CADPS2: variants seen among roughly 807,000 people sequenced by gnomAD.
CADPS2 encodes calcium-dependent secretion activator 2.
Under a neutral mutation model 172.5 loss-of-function variants are expected in CADPS2, and 93 were observed. That is an observed-to-expected ratio of 0.54 (90% CI 0.46 to 0.64). The LOEUF (loss-of-function observed/expected upper bound fraction) is 0.64. Among genes scored for constraint, CADPS2 ranks in the 30% least tolerant of loss-of-function variants. The pLI is 0.00. For missense variants in CADPS2, 1,420 were observed against 1,565.9 expected, an observed-to-expected ratio of 0.91 and a Z score of 1.57; for synonymous variants, 546 against 555.2, an observed-to-expected ratio of 0.98 and a Z score of 0.23.
At chr7:122,681,769 CT>C (rs1281928543) in intron 2 of CADPS2, 7 of 521,680 alleles carry the variant, frequency 1.3e-5, no homozygotes, top group Non-Finnish European at 3.3e-6. Flanking sequence ...AAAACAACAT[CT>C]AAAAAAAAAT....
intron 1 of CADPS2, among the ~76,000 whole-genome samples, chr7:122,834,934 T>C (rs577789826): frequency 1.3e-3 from 200 of 152,026 alleles, no homozygotes; most frequent in Non-Finnish European, 2.3e-3. Context: ...TTGAAGTGAG[T>C]AGTGTTTCTC....
At chr7:122,415,871 C>T (rs1489532548) in intron 18 of CADPS2, among the ~76,000 whole-genome samples, 190 bp downstream of exon 18, 1 of 152,202 alleles carries the variant, frequency 6.6e-6, no homozygotes, top group Admixed American at 6.5e-5. Context: ...AGAAAATTCA[C>T]ATATGTTCTC....
At chr7:122,756,863 G>A (rs2093182749) in intron 1 of CADPS2, among the ~76,000 whole-genome samples, 1 of 151,382 alleles carries the variant, frequency 6.6e-6, no homozygotes, top group Non-Finnish European at 1.5e-5. Context: ...TTGCGCCACT[G>A]CACTCCAGCC....
intron 1 of CADPS2, among the ~76,000 whole-genome samples, chr7:122,882,695 G>A (rs1263008446): frequency 6.9e-6 from 1 of 144,732 alleles, no homozygotes; most frequent in African/African-American, 2.6e-5. Context: ...TTATTAATTA[G>A]TACCTGATTT....
At chr7:122,811,623 T>C (rs1800039747) in intron 1 of CADPS2, among the ~76,000 whole-genome samples, 1 of 152,132 alleles carries the variant, frequency 6.6e-6, no homozygotes, top group Admixed American at 6.6e-5. Context: ...AACCCATGTA[T>C]CTATAATATA....
intron 1 of CADPS2, among the ~76,000 whole-genome samples, chr7:122,760,372 A>C (rs1562953108): frequency 6.6e-6 from 1 of 152,156 alleles, no homozygotes; most frequent in Non-Finnish European, 1.5e-5. Flanking sequence ...ATATAATATT[A>C]AATTGTATTC....
intron 6 of CADPS2, among the ~76,000 whole-genome samples, chr7:122,591,980 G>A (rs972004481): frequency 6.6e-6 from 1 of 150,386 alleles, no homozygotes; most frequent in African/African-American, 2.5e-5. Context: ...AGACAAAATT[G>A]ACAAATGGGA....
At chr7:122,794,985 T>G (rs1796059302) in intron 1 of CADPS2, among the ~76,000 whole-genome samples, 2 of 152,054 alleles carry the variant, frequency 1.3e-5, no homozygotes, top group South Asian at 4.1e-4. Flanking sequence ...AAGAGGGAAA[T>G]TTGTAGCGCT....
chr7:122,675,360 C>T (rs1430138340), intron 2 of CADPS2, among the ~76,000 whole-genome samples: 1 of 152,144 alleles, frequency 6.6e-6, no homozygotes, highest in East Asian at 1.9e-4. Context: ...GGTCACGTAC[C>T]GGAAAAGGCC....
In CADPS2 at chr7:122,772,407, C is replaced by T. The variant is rs114267036; in HGVS notation, c.340-35339G>A. ...TTCCTAACAGGTGAAAAATTAATGA[C>T]AGTCCCACTGAAAGCTAGACCAAAA... is the stretch of plus-strand genomic sequence containing the variant. On this transcript the variant is annotated intron_variant, in intron 1 of 29. Transcript: ENST00000449022. Among the ~76,000 whole-genome samples the T allele has an allele frequency of 3.1e-3, 479 of 152,232 alleles. 2 individuals carry two copies. Among genetic ancestry groups the T allele is most frequent in the African/African-American group, 0.011 (463 of 41,544 alleles).
chr7:122,882,378 C>T (rs780610812), intron 1 of CADPS2, among the ~76,000 whole-genome samples: 1 of 152,008 alleles, frequency 6.6e-6, no homozygotes, highest in South Asian at 2.1e-4. Context: ...TATTTTAATA[C>T]CCTCTTATTT....
In CADPS2 at chr7:122,615,198, G is replaced by T; in HGVS notation, c.1206C>A (p.Ala402=). Residue 402 remains alanine (A), a synonymous_variant, in exon 6 of 30, where the codon GCC becomes GCA. Transcript: ENST00000449022. ...TGGCTTACTGTGGCCTTGAGGCTTC[G>T]GCCTGGTCTGTCTGAAGTTTTTCTC... is the stretch of plus-strand genomic sequence containing the variant. ...VEGEKLQTDQ[A]EASRPQWGTQ... 6.5e-7 allele frequency: 1 copy of T among 1,541,888 alleles called. No individual in the cohort carries two copies. The highest frequency in any genetic ancestry group is 8.8e-7 in the Non-Finnish European group (1 of 1,139,014).
intron 8 of CADPS2, among the ~76,000 whole-genome samples, chr7:122,532,072 T>C (rs1439165793): frequency 6.6e-6 from 1 of 151,950 alleles, no homozygotes; most frequent in Non-Finnish European, 1.5e-5. Flanking sequence ...CAAAATACTG[T>C]TAGCCTGTTA....
At chr7:122,606,552 C>T (rs2073571672) in intron 6 of CADPS2, among the ~76,000 whole-genome samples, 1 of 152,092 alleles carries the variant, frequency 6.6e-6, no homozygotes, top group South Asian at 2.1e-4. Flanking sequence ...TCACATGGAA[C>T]TTCTAGAAAA....
intron 8 of CADPS2, among the ~76,000 whole-genome samples, chr7:122,551,153 C>T (rs1050378849): frequency 1.3e-5 from 2 of 151,994 alleles, no homozygotes; most frequent in Non-Finnish European, 2.9e-5. Context: ...TATTAAAATG[C>T]AACATTGAGA....
At chr7:122,778,310 C>G (rs982372991) in intron 1 of CADPS2, among the ~76,000 whole-genome samples, 3 of 151,984 alleles carry the variant, frequency 2.0e-5, no homozygotes, top group Non-Finnish European at 2.9e-5. Flanking sequence ...CTCTAAGTAG[C>G]AAAGTGTTCA....
Position 122,499,959 on chromosome 7 carries a change from A to C in CADPS2, c.1543-8539T>G, listed in dbSNP as rs1448434367. On this transcript the variant is annotated intron_variant, in intron 9 of 29. Coordinates refer to ENST00000449022, the MANE Select transcript of CADPS2 (RefSeq NM_017954.11). Reference sequence around the variant, plus strand: ...CTGGAACCTGCTGGGAGAGAGATGAAGGGCATGGGAAGGTCTGCCTTCCCT... The same window carrying C: ...CTGGAACCTGCTGGGAGAGAGATGACGGGCATGGGAAGGTCTGCCTTCCCT... Among the ~76,000 whole-genome samples the C allele has an allele frequency of 2.6e-5, 4 of 152,260 alleles. No homozygotes were observed. In the East Asian group the frequency reaches 7.7e-4, roughly 29 times the overall value.
intron 7 of CADPS2, among the ~76,000 whole-genome samples, chr7:122,566,851 A>G (rs2066537570): frequency 6.6e-6 from 1 of 152,186 alleles, no homozygotes; most frequent in Non-Finnish European, 1.5e-5. Flanking sequence ...TTTCAGATTT[A>G]TTCATTTGTT....
At chr7:122,776,532 G>A (rs1018283006) in intron 1 of CADPS2, among the ~76,000 whole-genome samples, 2 of 151,600 alleles carry the variant, frequency 1.3e-5, no homozygotes, top group South Asian at 2.1e-4. Context: ...CTGAGGAACA[G>A]GCAGATTGGA....
Sources: gnomAD v4.1 joint callset for allele counts (sites outside exome capture counted in the v4.1 genomes callset) on GRCh38, gnomAD v4.1.1 for gene constraint, MANE v1.5 for transcripts, NCBI Gene and HGNC (gene_info 2026-07-23, HGNC 2026-07-21) for gene names.